Variants in PAPSS2 observed in about 807,000 individuals in gnomAD.
The protein encoded by PAPSS2 is 3'-phosphoadenosine 5'-phosphosulfate synthase 2, also known as bifunctional 3'-phosphoadenosine 5'-phosphosulfate synthase 2.
Under a neutral mutation model 66.5 loss-of-function variants are expected in PAPSS2, and 61 were observed. The ratio of observed to expected loss-of-function variants is 0.92; its 90% CI spans 0.75 to 1.14. The LOEUF (loss-of-function observed/expected upper bound fraction) is 1.14, where lower values mean the gene tolerates loss of function less well. Ranked by LOEUF, PAPSS2 falls within the 50% of genes most tolerant of loss-of-function variation. The probability of loss-of-function intolerance (pLI) is 0.00; values close to 1 mark genes in which losing one functional copy is unlikely to be tolerated. For synonymous variants in PAPSS2, 289 were observed against 287.5 expected, an observed-to-expected ratio of 1.01 and a Z score of -0.05; for missense variants, 708 against 789.6, an observed-to-expected ratio of 0.90 and a Z score of 1.24.
intron 1 of PAPSS2, among the ~76,000 whole-genome samples, chr10:87,670,576 GCA>G (rs3221014): frequency 0.029 from 4,386 of 149,572 alleles, 169 homozygotes; most frequent in African/African-American, 0.086. Context: ...AAAAGATGGA[GCA>G]CACACACACA....
rs1853906845 is a variant in PAPSS2 at position 87,744,036 on chromosome 10, A to G, written c.1491+395A>G. ...AGAATCGCTTGAACCTGGGAGGTGG[A>G]GGTTGCAGTGAGCCGAGATCATGCC... On this transcript the variant is annotated intron_variant, in intron 11 of 12. Coordinates refer to ENST00000456849, the MANE Select transcript of PAPSS2 (RefSeq NM_001015880.2). 2.0e-5 allele frequency among the ~76,000 whole-genome samples: 3 copies of G among 152,134 alleles called. No homozygotes were observed. In the South Asian group the frequency reaches 6.2e-4, roughly 32 times the overall value.
At chr10:87,707,353 A>G (rs1457481733) in intron 1 of PAPSS2, among the ~76,000 whole-genome samples, 1 of 152,188 alleles carries the variant, frequency 6.6e-6, no homozygotes, top group Non-Finnish European at 1.5e-5. Context: ...CTGGTCCCGA[A>G]TCCAGCAGAT....
At chr10:87,719,158 G>A (rs1333461107) in intron 7 of PAPSS2, among the ~76,000 whole-genome samples, 1 of 152,184 alleles carries the variant, frequency 6.6e-6, no homozygotes, top group African/African-American at 2.4e-5. Context: ...GGGATATGAT[G>A]TGCTGCCCAC....
intron 1 of PAPSS2, among the ~76,000 whole-genome samples, chr10:87,670,167 A>T (rs1852858669): frequency 6.6e-6 from 1 of 152,274 alleles, no homozygotes; most frequent in South Asian, 2.1e-4. Flanking sequence ...TATGGGTAAT[A>T]GTTTTTATTG....
intron 9 of PAPSS2, among the ~76,000 whole-genome samples, chr10:87,732,571 C>T (rs539072521): frequency 1.3e-5 from 2 of 152,126 alleles, no homozygotes; most frequent in South Asian, 4.2e-4. Context: ...GACATAATGC[C>T]ATTGCACACT....
At position 87,715,822 on chromosome 10, in the gene PAPSS2, C is replaced by A; in HGVS notation, c.844C>A (p.His282Asn). The change falls in exon 7 of 13, where the codon CAC becomes AAC. Residue 282 changes from histidine (H) to asparagine (N), a missense_variant. By Grantham distance (68) the His-to-Asn change is moderately conservative (BLOSUM62 1). Coordinates refer to ENST00000456849, the MANE Select transcript of PAPSS2 (RefSeq NM_001015880.2). Reference sequence around the variant, plus strand: ...GGAGAAGGAGTACTTACAGGTTATGCACTTTGACACCCTGCTAGATGGTAT... The same window carrying A: ...GGAGAAGGAGTACTTACAGGTTATGAACTTTGACACCCTGCTAGATGGTAT... ...MREKEYLQVM[H>N]FDTLLDGMAL... The A allele has an allele frequency of 6.3e-7, 1 of 1,596,010 alleles. No homozygotes were observed. Among genetic ancestry groups the A allele is most frequent in the Non-Finnish European group, 8.6e-7 (1 of 1,163,598 alleles).
rs559748598 is a variant in PAPSS2, at chr10:87,745,796, A to G, written c.1722-36A>G. On this transcript the variant is annotated intron_variant, in intron 12 of 12. Coordinates refer to ENST00000456849, the MANE Select transcript of PAPSS2 (RefSeq NM_001015880.2). Reference sequence around the variant, plus strand: ...GGAATCCTTAAGGCAGATATCATTTACCTACACTGAGTTCTTTGTTGCCAC... The same window carrying G: ...GGAATCCTTAAGGCAGATATCATTTGCCTACACTGAGTTCTTTGTTGCCAC... 11 of 1,611,862 alleles carry G rather than the reference A, an allele frequency of 6.8e-6. 1 individual carries two copies. The South Asian group carries it at 9.9e-5, about 14-fold the overall frequency.
chr10:87,724,941 C>T (rs948574442), intron 8 of PAPSS2, among the ~76,000 whole-genome samples: 106 of 150,442 alleles, frequency 7.0e-4, no homozygotes, highest in Middle Eastern at 3.4e-3. Flanking sequence ...CTGGCAAGTC[C>T]GAAAACTGGG....
At chr10:87,740,928 A>T (rs1001309745) in intron 9 of PAPSS2, among the ~76,000 whole-genome samples, 1 of 152,242 alleles carries the variant, frequency 6.6e-6, no homozygotes. Flanking sequence ...CAATAGGTTT[A>T]TTAATGTTAG....
chr10:87,735,899 G>A (rs977498097), intron 9 of PAPSS2, among the ~76,000 whole-genome samples: 3 of 152,162 alleles, frequency 2.0e-5, no homozygotes, highest in Admixed American at 6.5e-5. Flanking sequence ...GCAGGTCATG[G>A]TAAACCCCAA....
rs753965408 is a variant in PAPSS2, at chr10:87,743,663, G to A, written c.1491+22G>A. 5.6e-6 allele frequency: 9 copies of A among 1,614,062 alleles called. No homozygotes were observed. In the Admixed American group the frequency reaches 1.2e-4, roughly 21 times the overall value. On this transcript the variant is annotated intron_variant, in intron 11 of 12. Coordinates refer to ENST00000456849, the MANE Select transcript of PAPSS2 (RefSeq NM_001015880.2). ...AGAGGTGAGCAATTCCCAGAGCTGGGCTTTGAGACTCAGGAATTCAGACTC... is the reference window on the plus strand; with the variant it reads ...AGAGGTGAGCAATTCCCAGAGCTGGACTTTGAGACTCAGGAATTCAGACTC...
chr10:87,675,973 T>TA (rs1852939455), intron 1 of PAPSS2, among the ~76,000 whole-genome samples: 1 of 40,166 alleles, frequency 2.5e-5, no homozygotes. Context: ...CCACATTTCT[T>TA]TTTTTTTTTT....
chr10:87,673,689 C>CTTTTTTGTTTT (rs1852908758), intron 1 of PAPSS2, among the ~76,000 whole-genome samples: 1 of 67,424 alleles, frequency 1.5e-5, no homozygotes, highest in Non-Finnish European at 2.9e-5. Context: ...TTTTGGCTTA[C>CTTTTTTGTTTT]TTTTTTTTTT....
intron 11 of PAPSS2, 134 bp from the exon 12 acceptor site, chr10:87,744,868 A>G (rs1853916356): frequency 1.3e-6 from 1 of 752,550 alleles, no homozygotes; most frequent in Non-Finnish European, 2.3e-6. Flanking sequence ...TTAGAACCTC[A>G]GTGATTTTCT....
intron 1 of PAPSS2, among the ~76,000 whole-genome samples, chr10:87,706,615 C>G (rs1040248525): frequency 6.6e-6 from 1 of 151,442 alleles, no homozygotes; most frequent in Non-Finnish European, 1.5e-5. Context: ...AAAAATTAAC[C>G]AGGTATGATG....
chr10:87,741,159 T>C, intron 9 of PAPSS2, 76 bp from the exon 10 acceptor site: 1 of 1,445,090 alleles, frequency 6.9e-7, no homozygotes, highest in South Asian at 1.1e-5. Context: ...CCGAGATTGG[T>C]CTAAAAGGAG....
At chr10:87,731,569 T>G (rs552913720) in intron 9 of PAPSS2, among the ~76,000 whole-genome samples, 343 of 152,324 alleles carry the variant, frequency 2.3e-3, no homozygotes, top group African/African-American at 7.7e-3. Flanking sequence ...ACTGAAAACC[T>G]TCTGGAAGGG....
At chr10:87,714,905 C>A in intron 5 of PAPSS2, 42 bp downstream of exon 5, 1 of 1,447,134 alleles carries the variant, frequency 6.9e-7, no homozygotes, top group South Asian at 1.1e-5. Flanking sequence ...TTAATAAAAT[C>A]ATGAAAGACA....
At chr10:87,660,239 T>A in intron 1 of PAPSS2, 1 of 607,854 alleles carries the variant, frequency 1.6e-6, no homozygotes, top group Non-Finnish European at 2.9e-6. Flanking sequence ...TCTGCGCTCC[T>A]TGGGGTCGCC....
Sources: allele counts gnomAD v4.1 joint callset (sites outside exome capture counted in the v4.1 genomes callset), GRCh38; gene constraint gnomAD v4.1.1; transcripts MANE v1.5; gene names NCBI Gene and HGNC (gene_info 2026-07-23, HGNC 2026-07-21).